The following DNAH14 variants were observed in gnomAD, a reference collection of about 807,000 sequenced individuals.
The protein encoded by DNAH14 is dynein axonemal heavy chain 14.
Under a neutral mutation model 520.9 loss-of-function variants are expected in DNAH14, and 478 were observed. The observed-to-expected ratio is 0.92, with a 90% CI of 0.85 to 0.99. The LOEUF is 0.99. Among genes scored for constraint, DNAH14 ranks in the 50% least tolerant of loss-of-function variants. The pLI is 0.00. For missense variants in DNAH14, 4,831 were observed against 5,234.5 expected (o/e 0.92, Z 2.38); for synonymous variants, 1,581 against 1,757.2 (o/e 0.90, Z 2.51).
intron 81 of DNAH14, among the ~76,000 whole-genome samples, chr1:225,385,876 CTACTT>C (rs1444690737): frequency 2.6e-5 from 4 of 152,138 alleles, no homozygotes; most frequent in Admixed American, 6.5e-5. Flanking sequence ...TTGGAAAAAA[CTACTT>C]TAAAGTTCAT....
intron 3 of DNAH14, among the ~76,000 whole-genome samples, chr1:224,957,850 T>A (rs1180012627): frequency 6.6e-6 from 1 of 152,122 alleles, no homozygotes; most frequent in Non-Finnish European, 1.5e-5. Flanking sequence ...TATGCAACTC[T>A]TGAGAGAAGT....
At chr1:225,046,664 A>G (rs2067989693) in intron 15 of DNAH14, among the ~76,000 whole-genome samples, 2 of 152,122 alleles carry the variant, frequency 1.3e-5, no homozygotes, top group African/African-American at 4.8e-5. Flanking sequence ...TCTGTAACTT[A>G]TGTACCAGTA....
At chr1:224,977,568 T>C (rs1200441116) in intron 8 of DNAH14, among the ~76,000 whole-genome samples, 5 of 152,168 alleles carry the variant, frequency 3.3e-5, no homozygotes, top group Admixed American at 2.6e-4. Flanking sequence ...GGTGACAGTT[T>C]ATGGCATAGA....
intron 27 of DNAH14, among the ~76,000 whole-genome samples, chr1:225,125,064 A>G (rs2077607059): frequency 6.6e-6 from 1 of 152,182 alleles, no homozygotes; most frequent in Non-Finnish European, 1.5e-5. Context: ...AGTAGGTCCC[A>G]ACAGTGGGCT....
intron 77 of DNAH14, among the ~76,000 whole-genome samples, chr1:225,371,689 C>T (rs1437864121): frequency 6.6e-6 from 1 of 151,894 alleles, no homozygotes; most frequent in South Asian, 2.1e-4. Context: ...AAAACAAAAT[C>T]TAGTAATTAG....
At chr1:225,228,489 C>T (rs533494740) in intron 41 of DNAH14, among the ~76,000 whole-genome samples, 5 of 152,164 alleles carry the variant, frequency 3.3e-5, no homozygotes, top group South Asian at 2.1e-4. Context: ...TAACAGCAGA[C>T]GTAAGGCAAC....
chr1:225,185,349 GAA>G lies in DNAH14; in HGVS notation c.5595_5596del (p.Arg1865SerfsTer47). On this transcript the variant is annotated frameshift_variant, in exon 37 of 86. Coordinates refer to ENST00000682510, the MANE Select transcript of DNAH14 (RefSeq NM_001367479.1). LOFTEE classifies it high-confidence loss of function. ...GGTGGAGGAAAGACAACAGTCAGAA[GAA>G]TTTTGGAAAAAGCATTAACGCTATT... is the stretch of plus-strand genomic sequence containing the variant. 1 of 1,547,844 alleles carries G rather than the reference GAA, an allele frequency of 6.5e-7. No individual in the cohort carries two copies. Among genetic ancestry groups the G allele is most frequent in the Non-Finnish European group, 8.7e-7 (1 of 1,145,540 alleles).
chr1:224,948,605 A>G (rs1253574542), intron 1 of DNAH14, among the ~76,000 whole-genome samples: 1 of 151,712 alleles, frequency 6.6e-6, no homozygotes, highest in Non-Finnish European at 1.5e-5. Flanking sequence ...TTTATTTTGT[A>G]CTTTCTCTTT....
In DNAH14 at chr1:225,080,665, A is replaced by G. The variant is rs1425538312; in HGVS notation, c.3053A>G (p.Asn1018Ser). ...EWKRASWEWR[N>S]SSLQSIDVES... ...AAGCGAGCCTCTTGGGAATGGAGGA[A>G]TAGTTCTCTTCAAAGTATTGATGTA... The change falls in exon 19 of 86, where the codon AAT (asparagine) becomes AGT (serine). Residue 1018 changes from asparagine to serine, a missense_variant. Physicochemically the swap from Asn to Ser is conservative, Grantham distance 46. Coordinates refer to ENST00000682510, the MANE Select transcript of DNAH14 (RefSeq NM_001367479.1). 3.9e-6 allele frequency: 6 copies of G among 1,551,958 alleles called. No individual in the cohort carries two copies. Among genetic ancestry groups the G allele is most frequent in the Non-Finnish European group, 1.7e-6 (2 of 1,147,004 alleles).
intron 8 of DNAH14, among the ~76,000 whole-genome samples, chr1:224,984,856 C>A (rs568538484): frequency 2.9e-4 from 44 of 152,090 alleles, no homozygotes; most frequent in Non-Finnish European, 6.0e-4. Context: ...GGCTAACAAA[C>A]ACATGAAAAA....
intron 50 of DNAH14, 117 bp from the exon 51 acceptor site, chr1:225,271,789 T>C (rs1296909211): frequency 2.5e-6 from 2 of 795,664 alleles, no homozygotes; most frequent in African/African-American, 3.5e-5. Context: ...AATTTTAACA[T>C]TTAATGAAAT....
At chr1:225,354,292 A>T (rs1419711290) in intron 73 of DNAH14, 1 of 701,166 alleles carries the variant, frequency 1.4e-6, no homozygotes, top group Non-Finnish European at 2.6e-6. Context: ...GTCTAATTCT[A>T]GGTTCTGTAT....
intron 35 of DNAH14, among the ~76,000 whole-genome samples, chr1:225,161,147 T>C (rs2081475364): frequency 1.3e-5 from 2 of 152,130 alleles, no homozygotes; most frequent in Non-Finnish European, 2.9e-5. Flanking sequence ...ACATTAACCA[T>C]CCCCACTTTC....
chr1:225,235,099 A>C (rs2091478090), intron 42 of DNAH14, among the ~76,000 whole-genome samples: 1 of 152,064 alleles, frequency 6.6e-6, no homozygotes, highest in South Asian at 2.1e-4. Context: ...GGAGTGGTGA[A>C]AGACAGCATC....
intron 8 of DNAH14, among the ~76,000 whole-genome samples, chr1:224,990,293 C>A (rs1406748117): frequency 6.6e-6 from 1 of 152,130 alleles, no homozygotes; most frequent in Non-Finnish European, 1.5e-5. Context: ...ATATTTATCA[C>A]CTCAAACACT....
intron 17 of DNAH14, among the ~76,000 whole-genome samples, chr1:225,058,045 A>G (rs2069400460): frequency 1.3e-5 from 2 of 152,284 alleles, no homozygotes; most frequent in South Asian, 4.1e-4. Flanking sequence ...CTGGCCTCAT[A>G]AAATGAGTTA....
chr1:225,341,771 TAAAG>T (rs967588898), intron 69 of DNAH14, among the ~76,000 whole-genome samples: 2 of 152,194 alleles, frequency 1.3e-5, no homozygotes, highest in African/African-American at 4.8e-5. Context: ...CATCTAAACT[TAAAG>T]AAACATAAAT....
At chr1:225,012,553 GT>G (rs2064869474) in intron 10 of DNAH14, among the ~76,000 whole-genome samples, 1 of 152,138 alleles carries the variant, frequency 6.6e-6, no homozygotes, top group Non-Finnish European at 1.5e-5. Context: ...CCTGAAGTGT[GT>G]TTTCCCACTG....
chr1:224,934,058 A>G (rs1467901961), intron 1 of DNAH14, among the ~76,000 whole-genome samples: 1 of 152,066 alleles, frequency 6.6e-6, no homozygotes, highest in Non-Finnish European at 1.5e-5. Flanking sequence ...GAAAGTATCA[A>G]AAATAGGAAG....
Sources: gnomAD v4.1 joint callset for allele counts (sites outside exome capture counted in the v4.1 genomes callset) on GRCh38, gnomAD v4.1.1 for gene constraint, MANE v1.5 for transcripts, NCBI Gene and HGNC (gene_info 2026-07-23, HGNC 2026-07-21) for gene names.